OR2L8: variants seen among roughly 807,000 people sequenced by gnomAD.
OR2L8 encodes olfactory receptor family 2 subfamily L member 8.
For synonymous variants in OR2L8, 123 were observed against 138.6 expected, an observed-to-expected ratio of 0.89 and a Z score of 0.79; for missense variants, 324 against 376.0, an observed-to-expected ratio of 0.86 and a Z score of 1.14.
rs1371154446 is a variant in OR2L8 at position 247,949,706 on chromosome 1, G to A, written c.849G>A (p.Met283Ile). ...LAVFYTILTP[M>I]LNPIIYSLRN... ...TCTTCTACACCATCCTCACCCCAAT[G>A]CTCAACCCCATCATCTATAGCCTGA... Residue 283 changes from methionine (M) to isoleucine (I), a missense_variant, in exon 1 of 1, where the codon ATG becomes ATA. Transcript: ENST00000623922. The A allele has an allele frequency of 6.2e-7, 1 of 1,613,770 alleles. No individual in the cohort carries two copies. The highest frequency in any genetic ancestry group is 8.5e-7 in the Non-Finnish European group (1 of 1,179,874).
rs1358780611 is a variant in OR2L8, at chr1:247,949,119, A to G, written c.262A>G (p.Asn88Asp). 2 of 1,613,982 alleles carry G rather than the reference A, an allele frequency of 1.2e-6. No homozygotes were observed. The highest frequency in any genetic ancestry group is 1.7e-5 in the Admixed American group (1 of 60,002). The change falls in exon 1 of 1, where the codon AAC becomes GAC. Residue 88 changes from asparagine to aspartate, a missense_variant. Transcript: ENST00000623922. The stretch of plus-strand genomic sequence containing the variant: ...GATGGCATCTGATTTTCTGCATGGA[A>G]ACAAGTCTATCTCCTTCACTGGGTG... ...PKMASDFLHG[N>D]KSISFTGCGI...
In OR2L8 at chr1:247,949,320, G is replaced by C. The variant is rs992276904; in HGVS notation, c.463G>C (p.Ala155Pro). 5.6e-6 allele frequency: 9 copies of C among 1,614,166 alleles called. No homozygotes were observed. In the South Asian group the frequency reaches 7.7e-5, roughly 14 times the overall value. Residue 155 changes from alanine to proline, a missense_variant, in exon 1 of 1, where the codon GCT becomes CCT. Coordinates refer to ENST00000623922, the MANE Select transcript of OR2L8 (RefSeq NM_001001963.1). Reference protein sequence around the residue: ...TGSWIIGSINACAHTVYVLHI... With the variant: ...TGSWIIGSINPCAHTVYVLHI... ...GTCTTGGATCATAGGCTCGATCAAT[G>C]CTTGTGCTCACACTGTATATGTACT...
chr1:247,948,976 G>T lies in OR2L8; in HGVS notation c.119G>T (p.Gly40Val). ...TTCATTTTCCTGATGGCTCTAATTGGAAACCTGTCCATGATTCTTCTCATC... is the reference window on the plus strand; with the variant it reads ...TTCATTTTCCTGATGGCTCTAATTGTAAACCTGTCCATGATTCTTCTCATC... ...IVFIFLMALI[G>V]NLSMILLIFL... is the part of the protein sequence containing the mutation. Residue 40 changes from glycine (G) to valine (V), a missense_variant, in exon 1 of 1, where the codon GGA (glycine) becomes GTA (valine). Gly to Val is a moderately radical substitution (Grantham distance 109). Transcript: ENST00000623922. The T allele has an allele frequency of 6.2e-7, 1 of 1,613,726 alleles. No homozygotes were observed. The highest frequency in any genetic ancestry group is 2.2e-5 in the East Asian group (1 of 44,868).
Position 247,949,796 on chromosome 1 carries a change from G to C in OR2L8, c.939G>C (p.Ter313TyrextTer?), listed in dbSNP as rs1660566836. The stretch of plus-strand genomic sequence containing the variant: ...AGAGAATCTGCTCTGTGAAAATGTA[G>C]AAACACTTTCTGCCTAAGGTCTCAG... ...VSQRICSVKM[*>Y] The change falls in exon 1 of 1, where the codon TAG becomes TAC. Residue 313 changes from the stop codon to tyrosine (Y), a stop_lost. Coordinates refer to ENST00000623922, the MANE Select transcript of OR2L8 (RefSeq NM_001001963.1). 1 of 1,606,694 alleles carries C rather than the reference G, an allele frequency of 6.2e-7. No homozygotes were observed. The highest frequency in any genetic ancestry group is 2.2e-5 in the East Asian group (1 of 44,846).
In OR2L8 at chr1:247,949,215, G is replaced by A; in HGVS notation, c.358G>A (p.Asp120Asn). 1 of 1,614,224 alleles carries A rather than the reference G, an allele frequency of 6.2e-7. No homozygotes were observed. Among genetic ancestry groups the A allele is most frequent in the African/African-American group, 1.3e-5 (1 of 75,062 alleles). ...ACTACTTTTGGCATCTATGGCCTAT[G>A]ATCGTTACATTGCTATTTGCTTTCC... ...EALLLASMAY[D>N]RYIAICFPLH... The change falls in exon 1 of 1, where the codon GAT becomes AAT. Residue 120 changes from aspartate to asparagine, a missense_variant. Coordinates refer to ENST00000623922, the MANE Select transcript of OR2L8 (RefSeq NM_001001963.1).
In OR2L8 at chr1:247,948,963, A is replaced by G. The variant is rs1660535411; in HGVS notation, c.106A>G (p.Met36Val). 2.5e-6 allele frequency: 4 copies of G among 1,613,818 alleles called. No individual in the cohort carries two copies. Among genetic ancestry groups the G allele is most frequent in the Admixed American group, 1.7e-5 (1 of 59,996 alleles). ...FFILIVFIFL[M>V]ALIGNLSMIL... Reference sequence around the variant, plus strand: ...CATTCTCATTGTTTTCATTTTCCTGATGGCTCTAATTGGAAACCTGTCCAT... The same window carrying G: ...CATTCTCATTGTTTTCATTTTCCTGGTGGCTCTAATTGGAAACCTGTCCAT... The change falls in exon 1 of 1, where the codon ATG (methionine) becomes GTG (valine). Residue 36 changes from methionine (M) to valine (V), a missense_variant. Met to Val is a conservative substitution (Grantham distance 21, BLOSUM62 1). Coordinates refer to ENST00000623922, the MANE Select transcript of OR2L8 (RefSeq NM_001001963.1).
rs1223182286 is a variant in OR2L8, at chr1:247,949,543, C to G, written c.686C>G (p.Ser229Cys). Residue 229 changes from serine to cysteine, a missense_variant, in exon 1 of 1, where the codon TCT (serine) becomes TGT (cysteine). Ser to Cys is a moderately radical substitution (Grantham distance 112). Transcript: ENST00000623922. ...QVLFAVYHMK[S>C]AEGRKKAYLT... is the part of the protein sequence containing the mutation. Reference sequence around the variant, plus strand: ...CTCTTTGCTGTCTACCACATGAAATCTGCAGAAGGGAGGAAGAAAGCCTAT... The same window carrying G: ...CTCTTTGCTGTCTACCACATGAAATGTGCAGAAGGGAGGAAGAAAGCCTAT... 6.2e-7 allele frequency: 1 copy of G among 1,613,956 alleles called. No homozygotes were observed. The highest frequency in any genetic ancestry group is 8.5e-7 in the Non-Finnish European group (1 of 1,179,964).
At position 247,949,773 on chromosome 1, in the gene OR2L8, A is replaced by G. The variant is rs1012437508; in HGVS notation, c.916A>G (p.Arg306Gly). 3 of 1,611,924 alleles carry G rather than the reference A, an allele frequency of 1.9e-6. No homozygotes were observed. Among genetic ancestry groups the G allele is most frequent in the Non-Finnish European group, 2.5e-6 (3 of 1,178,582 alleles). ...VMGALTRVSQ[R>G]ICSVKM The stretch of plus-strand genomic sequence containing the variant: ...GGGGGCCCTGACACGAGTGAGTCAG[A>G]GAATCTGCTCTGTGAAAATGTAGAA... The change falls in exon 1 of 1, where the codon AGA becomes GGA. Residue 306 changes from arginine (R) to glycine (G), a missense_variant. Physicochemically the swap from Arg to Gly is moderately radical, Grantham distance 125. Transcript: ENST00000623922.
Position 247,948,999 on chromosome 1 carries a change from A to G in OR2L8, c.142A>G (p.Ile48Val), listed in dbSNP as rs754484374. The G allele has an allele frequency of 1.9e-6, 3 of 1,613,606 alleles. No homozygotes were observed. The highest frequency in any genetic ancestry group is 2.2e-5 in the South Asian group (2 of 91,070). ...TGGAAACCTGTCCATGATTCTTCTC[A>G]TCTTCTTGGACACCCATCTCCACAC... ...LIGNLSMILL[I>V]FLDTHLHTPM... The change falls in exon 1 of 1, where the codon ATC (isoleucine) becomes GTC (valine). Residue 48 changes from isoleucine to valine, a missense_variant. By Grantham distance (29) the Ile-to-Val change is conservative. Transcript: ENST00000623922.
rs1660565585 is a variant in OR2L8, at chr1:247,949,766, G to A, written c.909G>A (p.Val303=). The part of the protein sequence containing the change: ...NKEVMGALTR[V]SQRICSVKM ...AGGTGATGGGGGCCCTGACACGAGT[G>A]AGTCAGAGAATCTGCTCTGTGAAAA... Residue 303 remains valine, a synonymous_variant, in exon 1 of 1, where the codon GTG becomes GTA. Coordinates refer to ENST00000623922, the MANE Select transcript of OR2L8 (RefSeq NM_001001963.1). 3 of 1,612,152 alleles carry A rather than the reference G, an allele frequency of 1.9e-6. No homozygotes were observed. The African/African-American group carries it at 4.0e-5, about 22-fold the overall frequency.
In OR2L8 at chr1:247,949,163, C is replaced by T. The variant is rs758444274; in HGVS notation, c.306C>T (p.Phe102=). Residue 102 remains phenylalanine (F), a synonymous_variant, in exon 1 of 1, where the codon TTC becomes TTT. Coordinates refer to ENST00000623922, the MANE Select transcript of OR2L8 (RefSeq NM_001001963.1). ...SFTGCGIQSF[F]FLALGGAEAL... The stretch of plus-strand genomic sequence containing the variant: ...CTGGGTGTGGGATTCAGAGTTTCTT[C>T]TTCTTGGCATTAGGAGGTGCAGAAG... 5 of 1,613,990 alleles carry T rather than the reference C, an allele frequency of 3.1e-6. No individual in the cohort carries two copies. The Admixed American group carries it at 6.7e-5, about 22-fold the overall frequency.
Position 247,949,014 on chromosome 1 carries a change from C to G in OR2L8, c.157C>G (p.His53Asp). ...SMILLIFLDT[H>D]LHTPMYFLLS... Reference sequence around the variant, plus strand: ...GATTCTTCTCATCTTCTTGGACACCCATCTCCACACACCCATGTATTTCCT... The same window carrying G: ...GATTCTTCTCATCTTCTTGGACACCGATCTCCACACACCCATGTATTTCCT... The change falls in exon 1 of 1, where the codon CAT (histidine) becomes GAT (aspartate). Residue 53 changes from histidine (H) to aspartate (D), a missense_variant. Physicochemically the swap from His to Asp is moderately conservative, Grantham distance 81 (BLOSUM62 -1). Transcript: ENST00000623922. 6.2e-7 allele frequency: 1 copy of G among 1,613,870 alleles called. No homozygotes were observed. The highest frequency in any genetic ancestry group is 8.5e-7 in the Non-Finnish European group (1 of 1,179,840).
chr1:247,949,705 T>C lies in OR2L8; in HGVS notation c.848T>C (p.Met283Thr). 1.9e-6 allele frequency: 3 copies of C among 1,613,898 alleles called. 1 individual carries two copies. The South Asian group carries it at 3.3e-5, about 18-fold the overall frequency. ...LAVFYTILTP[M>T]LNPIIYSLRN... Reference sequence around the variant, plus strand: ...GTCTTCTACACCATCCTCACCCCAATGCTCAACCCCATCATCTATAGCCTG... The same window carrying C: ...GTCTTCTACACCATCCTCACCCCAACGCTCAACCCCATCATCTATAGCCTG... The change falls in exon 1 of 1, where the codon ATG (methionine) becomes ACG (threonine). Residue 283 changes from methionine to threonine, a missense_variant. By Grantham distance (81) the Met-to-Thr change is moderately conservative. Transcript: ENST00000623922.
chr1:247,949,498 C>T lies in OR2L8; in HGVS notation c.641C>T (p.Ser214Leu), dbSNP rs267598488. The change falls in exon 1 of 1, where the codon TCA (serine) becomes TTA (leucine). Residue 214 changes from serine (S) to leucine (L), a missense_variant. Physicochemically the swap from Ser to Leu is moderately radical, Grantham distance 145. Transcript: ENST00000623922. ...CTCGTGTTTCCCTTCATTGGTATTT[C>T]ATGTTCCTATGGCCAGGTTCTCTTT... ...IFLVFPFIGI[S>L]CSYGQVLFAV... 3.3e-5 allele frequency: 53 copies of T among 1,613,550 alleles called. No individual in the cohort carries two copies. The highest frequency in any genetic ancestry group is 4.4e-5 in the Non-Finnish European group (52 of 1,179,456).
In OR2L8 at chr1:247,949,677, G is replaced by T. The variant is rs531294268; in HGVS notation, c.820G>T (p.Ala274Ser). Reference sequence around the variant, plus strand: ...ATCTCCAACAGAGGACAAGGTTCTGGCTGTCTTCTACACCATCCTCACCCC... The same window carrying T: ...ATCTCCAACAGAGGACAAGGTTCTGTCTGTCTTCTACACCATCCTCACCCC... Reference protein sequence around the residue: ...LRSPTEDKVLAVFYTILTPML... With the variant: ...LRSPTEDKVLSVFYTILTPML... Residue 274 changes from alanine to serine, a missense_variant, in exon 1 of 1, where the codon GCT becomes TCT. Ala to Ser is a moderately conservative substitution (Grantham distance 99). Transcript: ENST00000623922. 1.9e-6 allele frequency: 3 copies of T among 1,613,870 alleles called. No homozygotes were observed. In the East Asian group the frequency reaches 6.7e-5, roughly 36 times the overall value.
In OR2L8 at chr1:247,949,334, T is replaced by C. The variant is rs1474769246; in HGVS notation, c.477T>C (p.Thr159=). 6.2e-7 allele frequency: 1 copy of C among 1,614,110 alleles called. No individual in the cohort carries two copies. The highest frequency in any genetic ancestry group is 8.5e-7 in the Non-Finnish European group (1 of 1,180,036). Residue 159 remains threonine, a synonymous_variant, in exon 1 of 1, where the codon ACT becomes ACC. Transcript: ENST00000623922. ...IIGSINACAH[T]VYVLHIPYCR... ...GCTCGATCAATGCTTGTGCTCACAC[T>C]GTATATGTACTCCATATTCCTTATT...
rs1660540775 is a variant in OR2L8 at position 247,949,147 on chromosome 1, G to C, written c.290G>C (p.Gly97Ala). The C allele has an allele frequency of 6.2e-7, 1 of 1,613,882 alleles. No homozygotes were observed. Among genetic ancestry groups the C allele is most frequent in the Non-Finnish European group, 8.5e-7 (1 of 1,179,954 alleles). The change falls in exon 1 of 1, where the codon GGG becomes GCG. Residue 97 changes from glycine to alanine, a missense_variant. Gly to Ala is a moderately conservative substitution (Grantham distance 60, BLOSUM62 0). Coordinates refer to ENST00000623922, the MANE Select transcript of OR2L8 (RefSeq NM_001001963.1). ...AAGTCTATCTCCTTCACTGGGTGTG[G>C]GATTCAGAGTTTCTTCTTCTTGGCA... ...GNKSISFTGCGIQSFFFLALG... is the reference protein window; with the variant it reads ...GNKSISFTGCAIQSFFFLALG...
chr1:247,949,271 A>G lies in OR2L8; in HGVS notation c.414A>G (p.Arg138=). The G allele has an allele frequency of 2.5e-6, 4 of 1,614,152 alleles. No individual in the cohort carries two copies. Among genetic ancestry groups the G allele is most frequent in the Non-Finnish European group, 3.4e-6 (4 of 1,180,014 alleles). Residue 138 remains arginine (R), a synonymous_variant, in exon 1 of 1, where the codon AGA becomes AGG. Coordinates refer to ENST00000623922, the MANE Select transcript of OR2L8 (RefSeq NM_001001963.1). ...ACTATCTCATCCGCATGAGCAAAAG[A>G]GTGTGTGTGCTGATGATAACAGGGT... ...PLHYLIRMSK[R]VCVLMITGSW...
chr1:247,949,448 A>G lies in OR2L8; in HGVS notation c.591A>G (p.Thr197=), dbSNP rs369417034. 6.5e-7 allele frequency: 1 copy of G among 1,545,668 alleles called. No homozygotes were observed. The highest frequency in any genetic ancestry group is 1.3e-5 in the African/African-American group (1 of 74,824). The change falls in exon 1 of 1, where the codon ACA becomes ACG. Residue 197 remains threonine (T), a synonymous_variant. Transcript: ENST00000623922. ...TGGACACCTGGGTCTATGAGGGCAC[A>G]GTGTTTTTGAGTGCCACCATCTTTC... ...ACMDTWVYEG[T]VFLSATIFLV...
Sources: allele counts gnomAD v4.1 joint callset, GRCh38; gene constraint gnomAD v4.1.1; transcripts MANE v1.5; gene names NCBI Gene and HGNC (gene_info 2026-07-23, HGNC 2026-07-21).